PRKCE: variants seen among roughly 807,000 people sequenced by gnomAD.
PRKCE encodes the protein protein kinase C epsilon, also known as protein kinase C epsilon type.
In PRKCE, 16 loss-of-function variants were observed where a neutral mutation model predicts 85.4. The ratio of observed to expected loss-of-function variants is 0.19; its 90% CI spans 0.13 to 0.28. PRKCE has a LOEUF of 0.28. Ranked by LOEUF, PRKCE falls within the 10% of genes least tolerant of loss-of-function variation. PRKCE has a pLI of 1.00. For missense variants in PRKCE, 573 were observed against 975.2 expected (o/e 0.59, Z 5.49); for synonymous variants, 388 against 371.5 (o/e 1.04, Z -0.51).
At chr2:45,653,370 G>GTTGTTTTTTTTT (rs1675220861) in intron 1 of PRKCE, among the ~76,000 whole-genome samples, 2 of 61,464 alleles carry the variant, frequency 3.3e-5, no homozygotes. Flanking sequence ...TTTTTGGGTT[G>GTTGTTTTTTTTT]TTTTTTTTTT....
Position 46,144,211 on chromosome 2 carries a change from G to A in PRKCE, c.1593-882G>A, listed in dbSNP as rs561129823. ...GCTCTTGCTTGCTGCACAGAACCAC[G>A]TGGGCTCTGTGGGTCCAGGTGATTA... On this transcript the variant is annotated intron_variant, in intron 11 of 14. Transcript: ENST00000306156. 7.9e-5 allele frequency among the ~76,000 whole-genome samples: 12 copies of A among 152,254 alleles called. No individual in the cohort carries two copies. In the South Asian group the frequency reaches 1.0e-3, roughly 13 times the overall value.
chr2:45,749,841 C>G (rs945921789), intron 1 of PRKCE, among the ~76,000 whole-genome samples: 1 of 152,184 alleles, frequency 6.6e-6, no homozygotes, highest in Non-Finnish European at 1.5e-5. Context: ...TACAGGAAGA[C>G]AGGACATAGG....
chr2:45,873,748 G>T (rs1181098570), intron 2 of PRKCE, among the ~76,000 whole-genome samples: 2 of 152,186 alleles, frequency 1.3e-5, no homozygotes, highest in Non-Finnish European at 2.9e-5. Flanking sequence ...TCTTGCCTCA[G>T]TGTCGGTGTG....
intron 5 of PRKCE, 55 bp from the exon 6 acceptor site, chr2:45,984,496 T>G: frequency 6.3e-7 from 1 of 1,578,294 alleles, no homozygotes; most frequent in South Asian, 1.1e-5. Context: ...CGTTGACAAG[T>G]CTTCTGGGGA....
intron 10 of PRKCE, among the ~76,000 whole-genome samples, chr2:46,035,799 A>T (rs989077508): frequency 2.0e-5 from 3 of 152,228 alleles, no homozygotes; most frequent in Non-Finnish European, 4.4e-5. Context: ...TTAATTTAAC[A>T]TCTGTTTATC....
intron 1 of PRKCE, among the ~76,000 whole-genome samples, chr2:45,657,611 T>C (rs1184375931): frequency 6.6e-6 from 1 of 152,182 alleles, no homozygotes; most frequent in Admixed American, 6.5e-5. Context: ...AAGCTAGGTT[T>C]TCATATTCTC....
rs1005317612 is a variant in PRKCE, at chr2:45,895,807, G to A, written c.412+52744G>A. Among the ~76,000 whole-genome samples, 4 of 152,150 alleles carry A rather than the reference G, an allele frequency of 2.6e-5. No individual in the cohort carries two copies. Among genetic ancestry groups the A allele is most frequent in the African/African-American group, 9.7e-5 (4 of 41,416 alleles). On this transcript the variant is annotated intron_variant, in intron 2 of 14. Coordinates refer to ENST00000306156, the MANE Select transcript of PRKCE (RefSeq NM_005400.3). This position sits in a 1 kb window ranked among gnomAD's most constrained non-coding sequence, Gnocchi z 4.8. ...GTGAGGCAGGAATCTACGCAGGTGCGCAGGTGTAGAGGAAGTGCTGTAGGG... is the reference window on the plus strand; with the variant it reads ...GTGAGGCAGGAATCTACGCAGGTGCACAGGTGTAGAGGAAGTGCTGTAGGG...
At chr2:45,871,892 A>T (rs760394613) in intron 2 of PRKCE, among the ~76,000 whole-genome samples, 62 of 152,142 alleles carry the variant, frequency 4.1e-4, no homozygotes, top group Non-Finnish European at 4.4e-4. Context: ...TGGAGAAAGG[A>T]GGCAACCTGA....
At chr2:46,027,658 G>A (rs1421773373) in intron 10 of PRKCE, among the ~76,000 whole-genome samples, 2 of 152,104 alleles carry the variant, frequency 1.3e-5, no homozygotes, top group African/African-American at 2.4e-5. Flanking sequence ...CCAAAAATTC[G>A]AACTTTAACA....
intron 10 of PRKCE, among the ~76,000 whole-genome samples, chr2:46,063,672 G>C (rs1267085005): frequency 2.6e-5 from 4 of 152,226 alleles, no homozygotes; most frequent in Admixed American, 1.3e-4. Context: ...AGAGAATTCC[G>C]CAACTGTGAC....
At chr2:45,802,108 C>T (rs1482421192) in intron 1 of PRKCE, among the ~76,000 whole-genome samples, 2 of 148,866 alleles carry the variant, frequency 1.3e-5, no homozygotes, top group Non-Finnish European at 3.0e-5. Flanking sequence ...AAAAAACACC[C>T]AAAAACTTAG....
intron 2 of PRKCE, among the ~76,000 whole-genome samples, chr2:45,918,130 G>T (rs755816302): frequency 3.3e-5 from 5 of 152,250 alleles, no homozygotes; most frequent in Non-Finnish European, 4.4e-5. Context: ...CCAGAGTGCA[G>T]TGGTGGGCTG....
chr2:45,713,956 C>A (rs929162034), intron 1 of PRKCE, among the ~76,000 whole-genome samples: 5 of 152,224 alleles, frequency 3.3e-5, no homozygotes, highest in Non-Finnish European at 4.4e-5. Flanking sequence ...CTTCCTTCAA[C>A]CCCCACACCT....
intron 2 of PRKCE, among the ~76,000 whole-genome samples, chr2:45,849,249 A>G (rs1034790311): frequency 3.3e-4 from 50 of 152,188 alleles, no homozygotes; most frequent in African/African-American, 8.7e-4. Flanking sequence ...GGAGTGTTCT[A>G]GGTCAAGTTT....
chr2:45,765,891 A>G (rs1558648001), intron 1 of PRKCE, among the ~76,000 whole-genome samples: 1 of 152,198 alleles, frequency 6.6e-6, no homozygotes, highest in African/African-American at 2.4e-5. Flanking sequence ...AATCAAGAGA[A>G]AAGCCTGTCC....
At chr2:45,889,927 G>C (rs978706501) in intron 2 of PRKCE, among the ~76,000 whole-genome samples, 8 of 152,144 alleles carry the variant, frequency 5.3e-5, no homozygotes, top group Non-Finnish European at 7.3e-5. Flanking sequence ...GTGCTCTTTA[G>C]GCTCAAATCC....
chr2:46,149,887 C>T (rs1326970273), intron 12 of PRKCE, among the ~76,000 whole-genome samples: 7 of 149,112 alleles, frequency 4.7e-5, no homozygotes, highest in African/African-American at 1.5e-4. Flanking sequence ...GATAGGGTCT[C>T]ACTCTGTTAC....
At chr2:45,923,374 T>A (rs1486730767) in intron 2 of PRKCE, among the ~76,000 whole-genome samples, 1 of 152,220 alleles carries the variant, frequency 6.6e-6, no homozygotes, top group East Asian at 1.9e-4. Context: ...GCAGTGGCCA[T>A]GTGGAGAAGC....
intron 1 of PRKCE, among the ~76,000 whole-genome samples, chr2:45,782,788 C>T (rs1410031196): frequency 6.6e-6 from 1 of 152,090 alleles, no homozygotes; most frequent in African/African-American, 2.4e-5. Context: ...CACACTCACA[C>T]ACACACACCC....
Sources: allele counts gnomAD v4.1 joint callset (sites outside exome capture counted in the v4.1 genomes callset), GRCh38; gene constraint gnomAD v4.1.1; non-coding constraint Gnocchi (gnomAD v3.1); transcripts MANE v1.5; gene names NCBI Gene and HGNC (gene_info 2026-07-23, HGNC 2026-07-21).